The following PDLIM5 variants were observed in gnomAD, a reference collection of about 807,000 sequenced individuals.
The protein encoded by PDLIM5 is PDZ and LIM domain protein 5.
In PDLIM5, 34 loss-of-function variants were observed where a neutral mutation model predicts 64.2. That is an observed-to-expected ratio of 0.53 (90% CI 0.40 to 0.71). The LOEUF (loss-of-function observed/expected upper bound fraction) is 0.71. Among genes scored for constraint, PDLIM5 ranks in the 30% least tolerant of loss-of-function variants. The probability of loss-of-function intolerance (pLI) is 0.00; values close to 1 mark genes in which losing one functional copy is unlikely to be tolerated. For missense variants in PDLIM5, 683 were observed against 733.6 expected (o/e 0.93, Z 0.80); for synonymous variants, 253 against 269.1 (o/e 0.94, Z 0.59).
intron 2 of PDLIM5, among the ~76,000 whole-genome samples, chr4:94,469,071 C>G (rs146750322): frequency 8.5e-5 from 13 of 152,256 alleles, no homozygotes; most frequent in Middle Eastern, 3.4e-3. Context: ...ATTTATAGAA[C>G]CCATGGGGCA....
Position 94,597,666 on chromosome 4 carries a change from T to A in PDLIM5, c.920+11222T>A, listed in dbSNP as rs187659871. 6.0e-3 allele frequency among the ~76,000 whole-genome samples: 915 copies of A among 152,266 alleles called. 9 individuals carry two copies. Among genetic ancestry groups the A allele is most frequent in the African/African-American group, 0.02 (836 of 41,558 alleles). On this transcript the variant is annotated intron_variant, in intron 7 of 12. Transcript: ENST00000317968. ...TCTTAATGACTTACCGCTCAGGGTA[T>A]GTAGAGGACTTACAGATGAGATTCA...
At chr4:94,487,002 C>A (rs1726401632) in intron 2 of PDLIM5, among the ~76,000 whole-genome samples, 1 of 151,966 alleles carries the variant, frequency 6.6e-6, no homozygotes, top group Admixed American at 6.6e-5. Context: ...GACCCTGTCT[C>A]TTAAAAAATT....
At chr4:94,529,060 G>T (rs1730624982) in intron 3 of PDLIM5, among the ~76,000 whole-genome samples, 1 of 152,234 alleles carries the variant, frequency 6.6e-6, no homozygotes, top group South Asian at 2.1e-4. Flanking sequence ...GAAGTGGCGA[G>T]AACTTGTAGG....
intron 2 of PDLIM5, among the ~76,000 whole-genome samples, chr4:94,482,802 T>A (rs1725985831): frequency 6.6e-6 from 1 of 151,970 alleles, no homozygotes; most frequent in Admixed American, 6.6e-5. Context: ...GGCAGGAGAA[T>A]CACTTGGGCC....
intron 7 of PDLIM5, among the ~76,000 whole-genome samples, chr4:94,602,636 A>C (rs1737596057): frequency 6.6e-6 from 1 of 151,968 alleles, no homozygotes; most frequent in African/African-American, 2.4e-5. Flanking sequence ...TATTTTTTTT[A>C]GTAGAGACGG....
Position 94,558,041 on chromosome 4 carries a change from GT to G in PDLIM5, c.249-15307del, listed in dbSNP as rs200951994. Among the ~76,000 whole-genome samples, 1,192 of 152,246 alleles carry G rather than the reference GT, an allele frequency of 7.8e-3. 11 individuals are homozygous for G. Among genetic ancestry groups the G allele is most frequent in the African/African-American group, 0.027 (1,121 of 41,548 alleles). ...CCATTCAGTATGATATTGGCTGTGAGTTTGTCATAAGTAGCTCTTATTATTT... is the reference window on the plus strand; with the variant it reads ...CCATTCAGTATGATATTGGCTGTGAGTTGTCATAAGTAGCTCTTATTATTT... On this transcript the variant is annotated intron_variant, in intron 3 of 12. Transcript: ENST00000317968.
chr4:94,485,533 T>C (rs1286795638), intron 2 of PDLIM5, among the ~76,000 whole-genome samples: 2 of 152,174 alleles, frequency 1.3e-5, no homozygotes, highest in Admixed American at 1.3e-4. Context: ...TCATAAACCT[T>C]ATCCATAAGA....
At chr4:94,452,477 C>T (rs1322597540) in intron 1 of PDLIM5, among the ~76,000 whole-genome samples, 1 of 152,202 alleles carries the variant, frequency 6.6e-6, no homozygotes, top group African/African-American at 2.4e-5. Context: ...TTTCTTTGCT[C>T]CCAGGCTACT....
intron 2 of PDLIM5, among the ~76,000 whole-genome samples, chr4:94,470,005 C>T (rs1431995608): frequency 5.0e-5 from 6 of 121,094 alleles, no homozygotes; most frequent in Admixed American, 1.1e-4. Context: ...CTCACTCTGT[C>T]GCCCAGGCTG....
At chr4:94,514,102 T>C (rs1268819401) in intron 2 of PDLIM5, among the ~76,000 whole-genome samples, 1 of 151,802 alleles carries the variant, frequency 6.6e-6, no homozygotes, top group African/African-American at 2.4e-5. Context: ...ATCTTTCTAA[T>C]GTATTGTTGA....
chr4:94,587,119 CT>C, intron 7 of PDLIM5: 1 of 1,567,596 alleles, frequency 6.4e-7, no homozygotes, highest in Admixed American at 2.1e-5. Flanking sequence ...CAGCACATAC[CT>C]TTTCATTTAC....
intron 11 of PDLIM5, among the ~76,000 whole-genome samples, chr4:94,658,844 T>TTC (rs1742424727): frequency 6.6e-6 from 1 of 152,218 alleles, no homozygotes; most frequent in Non-Finnish European, 1.5e-5. Context: ...ACCAGAATAC[T>TTC]TCATATTTTG....
rs1343409278 is a variant in PDLIM5 at position 94,605,108 on chromosome 4, A to G, written c.921-12896A>G. ...AAACTACTGCATTTTAAAAGAGGAC[A>G]CAAAGCATCCAGTAGAGAAGGAGAG... On this transcript the variant is annotated intron_variant, in intron 7 of 12. Coordinates refer to ENST00000317968, the MANE Select transcript of PDLIM5 (RefSeq NM_006457.5). Among the ~76,000 whole-genome samples, 3 of 152,190 alleles carry G rather than the reference A, an allele frequency of 2.0e-5. No homozygotes were observed. The East Asian group carries it at 5.8e-4, about 29-fold the overall frequency.
At chr4:94,610,982 A>C in intron 7 of PDLIM5, 1 of 966,372 alleles carries the variant, frequency 1.0e-6, no homozygotes, top group Non-Finnish European at 1.6e-6. Context: ...TCGTAAAGGA[A>C]ATGTTTCAAA....
intron 2 of PDLIM5, among the ~76,000 whole-genome samples, chr4:94,494,901 G>A (rs28445841): frequency 0.14 from 21,764 of 151,742 alleles, 2,982 homozygotes; most frequent in African/African-American, 0.36. Flanking sequence ...GGTGCACGTC[G>A]CCACGCCCGG....
intron 3 of PDLIM5, among the ~76,000 whole-genome samples, chr4:94,568,636 AT>A (rs1444267701): frequency 1.3e-5 from 2 of 150,000 alleles, no homozygotes; most frequent in South Asian, 2.1e-4. Context: ...TGGGCAAATA[AT>A]TTTTTTCCCT....
intron 8 of PDLIM5, among the ~76,000 whole-genome samples, chr4:94,631,404 T>C (rs1287246671): frequency 6.6e-6 from 1 of 152,178 alleles, no homozygotes; most frequent in Non-Finnish European, 1.5e-5. Context: ...CATGAAGGGC[T>C]TAAAAGTGAT....
intron 2 of PDLIM5, among the ~76,000 whole-genome samples, chr4:94,468,949 G>A (rs541507410): frequency 6.6e-6 from 1 of 152,318 alleles, no homozygotes; most frequent in African/African-American, 2.4e-5. Context: ...ATGAAATGTA[G>A]GAAGGAGATT....
At chr4:94,460,087 CAA>C (rs1723742378) in intron 2 of PDLIM5, among the ~76,000 whole-genome samples, 1 of 152,106 alleles carries the variant, frequency 6.6e-6, no homozygotes, top group Non-Finnish European at 1.5e-5. Context: ...GTCATTATGC[CAA>C]GTTAGAAAAT....
Sources: allele counts gnomAD v4.1 joint callset (sites outside exome capture counted in the v4.1 genomes callset), GRCh38; gene constraint gnomAD v4.1.1; transcripts MANE v1.5; gene names NCBI Gene and HGNC (gene_info 2026-07-23, HGNC 2026-07-21).